The following UNC13C variants were observed in gnomAD, a reference collection of about 807,000 sequenced individuals.
UNC13C encodes the protein protein unc-13 homolog C.
UNC13C carries 174 observed loss-of-function variants against 245.4 expected under a neutral mutation model. That is an observed-to-expected ratio of 0.71 (90% CI 0.63 to 0.80). The LOEUF is 0.80. Ranked by LOEUF, UNC13C falls within the 30% of genes least tolerant of loss-of-function variation. The pLI is 0.00. For missense variants in UNC13C, 2,829 were observed against 2,602.9 expected (o/e 1.09, Z -1.89); for synonymous variants, 992 against 895.1 (o/e 1.11, Z -1.93).
chr15:53,897,861 A>T, the UNC13C span, among the ~76,000 whole-genome samples: 13 of 152,320 alleles, frequency 8.5e-5, no homozygotes, highest in Non-Finnish European at 1.8e-4. Context: ...TTTCTCTGAG[A>T]ATGCCCCGAC....
intron 18 of UNC13C, among the ~76,000 whole-genome samples, chr15:54,396,443 C>T (rs1279056712): frequency 6.6e-6 from 1 of 151,640 alleles, no homozygotes; most frequent in Non-Finnish European, 1.5e-5. Context: ...TTTTGAGTTT[C>T]ACCCATGTTA....
the UNC13C span, among the ~76,000 whole-genome samples, chr15:53,843,463 A>AAT: frequency 9.2e-5 from 14 of 152,134 alleles, no homozygotes; most frequent in East Asian, 9.7e-4. Context: ...TCTTATCTCA[A>AAT]ATATATATAT....
chr15:54,393,000 C>T, intron 17 of UNC13C, 48 bp from the exon 18 acceptor site: 1 of 1,471,990 alleles, frequency 6.8e-7, no homozygotes, highest in Non-Finnish European at 9.0e-7. Flanking sequence ...TAACTAAAGT[C>T]ATCCCATTTA....
At chr15:53,961,775 A>T in the UNC13C span, among the ~76,000 whole-genome samples, 5 of 152,226 alleles carry the variant, frequency 3.3e-5, no homozygotes, top group Admixed American at 1.3e-4. Context: ...CCACACACAT[A>T]TGAGATAATT....
chr15:54,028,167 C>G (rs1195620655), intron 2 of UNC13C, among the ~76,000 whole-genome samples: 3 of 152,198 alleles, frequency 2.0e-5, no homozygotes, highest in South Asian at 2.1e-4. Flanking sequence ...TCCTATATCT[C>G]AAGCTAAGTT....
chr15:54,489,861 C>T (rs1315496550), intron 19 of UNC13C, among the ~76,000 whole-genome samples: 1 of 152,060 alleles, frequency 6.6e-6, no homozygotes, highest in Non-Finnish European at 1.5e-5. Flanking sequence ...ATTTCTTTTC[C>T]TTTTTGTTTG....
At chr15:53,951,484 C>A in the UNC13C span, among the ~76,000 whole-genome samples, 5 of 152,194 alleles carry the variant, frequency 3.3e-5, no homozygotes, top group South Asian at 2.1e-4. Context: ...ATTGTGGTGA[C>A]CCCTTTCACT....
chr15:54,342,894 ACT>A (rs1434047574), intron 17 of UNC13C, among the ~76,000 whole-genome samples: 1 of 152,158 alleles, frequency 6.6e-6, no homozygotes, highest in Admixed American at 6.5e-5. Flanking sequence ...TAGCTTATCA[ACT>A]CTGTTAGATA....
At chr15:53,937,816 T>C in the UNC13C span, among the ~76,000 whole-genome samples, 1 of 152,282 alleles carries the variant, frequency 6.6e-6, no homozygotes, top group Non-Finnish European at 1.5e-5. Context: ...CAATGTTCCT[T>C]TCAGATAAGC....
chr15:53,931,490 A>G, the UNC13C span, among the ~76,000 whole-genome samples: 10 of 152,036 alleles, frequency 6.6e-5, no homozygotes, highest in East Asian at 1.7e-3. Context: ...ATTAATCATA[A>G]TGCTTGCATT....
intron 2 of UNC13C, among the ~76,000 whole-genome samples, chr15:54,083,205 T>C (rs1429904509): frequency 6.6e-6 from 1 of 152,120 alleles, no homozygotes; most frequent in Non-Finnish European, 1.5e-5. Context: ...TTCCCTTCCC[T>C]ATCATGGCCC....
At chr15:54,011,750 T>C (rs932364747) in intron 1 of UNC13C, among the ~76,000 whole-genome samples, 1 of 152,170 alleles carries the variant, frequency 6.6e-6, no homozygotes, top group Non-Finnish European at 1.5e-5. Context: ...TTTCTCCTCC[T>C]CTTCTATGCT....
intron 18 of UNC13C, among the ~76,000 whole-genome samples, chr15:54,407,825 C>T (rs2040328269): frequency 6.6e-6 from 1 of 151,894 alleles, no homozygotes; most frequent in Non-Finnish European, 1.5e-5. Context: ...TGAGGAAAAA[C>T]CCAATAGCCT....
Position 54,341,097 on chromosome 15 carries a change from A to C in UNC13C, c.4713+2608A>C, listed in dbSNP as rs185113330. 1.5e-4 allele frequency among the ~76,000 whole-genome samples: 23 copies of C among 152,354 alleles called. 1 individual carries two copies. In the East Asian group the frequency reaches 3.9e-3, roughly 26 times the overall value. ...AACTACCATTTGACCTAGCAATCCC[A>C]TTACTGAGAATCTATACAAAAGAAA... On this transcript the variant is annotated intron_variant, in intron 17 of 32. Coordinates refer to ENST00000260323, the MANE Select transcript of UNC13C (RefSeq NM_001080534.3).
At chr15:54,039,816 C>T (rs183340004) in intron 2 of UNC13C, among the ~76,000 whole-genome samples, 228 of 151,786 alleles carry the variant, frequency 1.5e-3, no homozygotes, top group African/African-American at 5.2e-3. Context: ...CATGTCACTC[C>T]CCCACCTTCA....
At chr15:54,134,390 G>T (rs1450368916) in intron 2 of UNC13C, among the ~76,000 whole-genome samples, 3 of 148,588 alleles carry the variant, frequency 2.0e-5, no homozygotes, top group East Asian at 2.1e-4. Context: ...AATGGCAGGA[G>T]TTTTTTCTTT....
intron 19 of UNC13C, among the ~76,000 whole-genome samples, chr15:54,441,026 GTTAT>G (rs1367226266): frequency 6.6e-6 from 1 of 151,860 alleles, no homozygotes; most frequent in African/African-American, 2.4e-5. Context: ...TTACTGTTGA[GTTAT>G]TTGAGTTCCT....
intron 17 of UNC13C, among the ~76,000 whole-genome samples, chr15:54,346,466 G>A (rs11634764): frequency 0.065 from 9,815 of 152,148 alleles, 397 homozygotes; most frequent in Admixed American, 0.11. Context: ...CAGATAATAT[G>A]ATGCCTTGCC....
At chr15:54,514,987 T>C (rs1894906559) in intron 24 of UNC13C, among the ~76,000 whole-genome samples, 1 of 152,134 alleles carries the variant, frequency 6.6e-6, no homozygotes, top group Non-Finnish European at 1.5e-5. Context: ...AAACCACTAA[T>C]TTTCTTCTCC....
Sources: allele counts gnomAD v4.1 joint callset (sites outside exome capture counted in the v4.1 genomes callset), GRCh38; gene constraint gnomAD v4.1.1; transcripts MANE v1.5; gene names NCBI Gene and HGNC (gene_info 2026-07-23, HGNC 2026-07-21).